Variants in SAMD5 observed in about 807,000 individuals in gnomAD.
SAMD5 encodes the protein sterile alpha motif domain containing 5.
SAMD5 carries 13 observed loss-of-function variants against 11.3 expected under a neutral mutation model. The observed-to-expected ratio is 1.15, with a 90% CI of 0.75 to 1.83. The LOEUF is 1.83. Ranked by LOEUF, SAMD5 falls within the 40% of genes most tolerant of loss-of-function variation. SAMD5 has a pLI of 0.00. For missense variants in SAMD5, 255 were observed against 239.1 expected (o/e 1.07, Z -0.44); for synonymous variants, 129 against 111.3 (o/e 1.16, Z -1.00).
chr6:147,803,339 C>G, the SAMD5 span, among the ~76,000 whole-genome samples: 1 of 152,118 alleles, frequency 6.6e-6, no homozygotes, highest in Non-Finnish European at 1.5e-5. Context: ...CTTCAATTCA[C>G]TCTCTCGCCT....
the SAMD5 span, among the ~76,000 whole-genome samples, chr6:147,929,778 G>A: frequency 2.6e-5 from 4 of 152,060 alleles, no homozygotes; most frequent in Admixed American, 1.3e-4. Context: ...TAACATTGGG[G>A]GGGAAAGTAC....
intron 1 of SAMD5, among the ~76,000 whole-genome samples, chr6:147,732,568 T>C (rs535332677): frequency 1.3e-5 from 2 of 152,124 alleles, no homozygotes; most frequent in Non-Finnish European, 2.9e-5. Context: ...CAGCTAGAAA[T>C]GATGAGGCAG....
rs150257985 is a variant in SAMD5 at position 147,628,700 on chromosome 6, C to T, written c.163-108617C>T. On this transcript the variant is annotated intron_variant, in intron 1 of 1. Transcript: ENST00000566741. ...TGAGGAAATATGATACCCATCCTCC[C>T]CTCCAAAAAAGGAAGAAAAAGATCT... Among the ~76,000 whole-genome samples the T allele has an allele frequency of 5.4e-3, 828 of 152,156 alleles. 5 individuals are homozygous for T. The highest frequency in any genetic ancestry group is 8.7e-3 in the Non-Finnish European group (592 of 67,998).
chr6:147,875,473 A>C, the SAMD5 span, among the ~76,000 whole-genome samples: 13 of 152,006 alleles, frequency 8.6e-5, no homozygotes, highest in Admixed American at 7.9e-4. Flanking sequence ...TATAACTAAT[A>C]ATTTCCATTC....
chr6:147,540,384 T>G (rs1157837792), intron 1 of SAMD5, among the ~76,000 whole-genome samples: 1 of 152,164 alleles, frequency 6.6e-6, no homozygotes, highest in African/African-American at 2.4e-5. Context: ...TTTAACTGCT[T>G]AAGATAATTT....
At chr6:147,917,078 G>A in the SAMD5 span, among the ~76,000 whole-genome samples, 3 of 101,956 alleles carry the variant, frequency 2.9e-5, no homozygotes, top group Admixed American at 9.9e-5. Context: ...ACCCAGTAAT[G>A]GGATGGCTGG....
intron 1 of SAMD5, among the ~76,000 whole-genome samples, chr6:147,630,101 T>G (rs1218957501): frequency 6.6e-6 from 1 of 151,768 alleles, no homozygotes; most frequent in Non-Finnish European, 1.5e-5. Flanking sequence ...AGGCATGCAC[T>G]GCCACGCCTG....
At chr6:147,904,408 G>T in the SAMD5 span, among the ~76,000 whole-genome samples, 1 of 152,216 alleles carries the variant, frequency 6.6e-6, no homozygotes. Context: ...AGATGGCAGA[G>T]CCAGTGCCTA....
the SAMD5 span, among the ~76,000 whole-genome samples, chr6:147,852,971 CT>C: frequency 4.6e-5 from 7 of 152,164 alleles, no homozygotes; most frequent in Non-Finnish European, 7.3e-5. Context: ...GATTTGTCAT[CT>C]TTTCTACATT....
At chr6:147,899,368 T>A in the SAMD5 span, among the ~76,000 whole-genome samples, 1 of 152,048 alleles carries the variant, frequency 6.6e-6, no homozygotes, top group South Asian at 2.1e-4. Context: ...ATTGTCAAGG[T>A]CTCAAACTGC....
At chr6:147,848,800 C>T in the SAMD5 span, among the ~76,000 whole-genome samples, 1 of 152,342 alleles carries the variant, frequency 6.6e-6, no homozygotes, top group East Asian at 1.9e-4. Context: ...AGCCACAGCA[C>T]TTTAACTTGT....
chr6:147,567,736 G>T lies in SAMD5; in HGVS notation c.*3280G>T, dbSNP rs1220480103. The T allele has an allele frequency of 2.0e-6, 2 of 985,106 alleles. No homozygotes were observed. The highest frequency in any genetic ancestry group is 3.5e-5 in the African/African-American group (2 of 57,172). The allele number at this position is 985,106 out of a possible 1,614,324, so 61.0% of individuals were successfully genotyped here. ...TGACTAGAAAACTCAGACATAAATT[G>T]ACATTTCCTTATCATTGCCTGAAAC... On this transcript the variant is annotated 3_prime_UTR_variant, in exon 2 of 2. Transcript: ENST00000367474.
chr6:147,721,897 C>T (rs1162097259), intron 1 of SAMD5, among the ~76,000 whole-genome samples: 3 of 151,706 alleles, frequency 2.0e-5, no homozygotes, highest in Non-Finnish European at 4.4e-5. Flanking sequence ...TTTTTATATC[C>T]CATTAAAAAA....
At chr6:147,686,653 T>C (rs1037862973) in intron 1 of SAMD5, among the ~76,000 whole-genome samples, 3 of 152,112 alleles carry the variant, frequency 2.0e-5, no homozygotes, top group African/African-American at 4.8e-5. Context: ...TTTCCAATAC[T>C]GTGCTATTTT....
Position 147,567,614 on chromosome 6 carries a change from T to C in SAMD5, c.*3158T>C. On this transcript the variant is annotated 3_prime_UTR_variant, in exon 2 of 2. Coordinates refer to ENST00000367474, the MANE Select transcript of SAMD5 (RefSeq NM_001030060.3). ...CACCCACATACAGTCCTTGGCTCAG[T>C]GCTAGGCATGTAGCAGGTGCTGACT... 1.0e-6 allele frequency: 1 copy of C among 975,366 alleles called. No homozygotes were observed. The highest frequency in any genetic ancestry group is 1.1e-4 in the East Asian group (1 of 8,754). The allele number at this position is 975,366 out of a possible 1,614,324, so 60.4% of individuals were successfully genotyped here.
At chr6:147,608,712 T>C (rs1382080625) in intron 1 of SAMD5, among the ~76,000 whole-genome samples, 1 of 152,104 alleles carries the variant, frequency 6.6e-6, no homozygotes, top group South Asian at 2.1e-4. Flanking sequence ...ACAGAAAGGA[T>C]GAATAAGACC....
At chr6:147,615,709 G>A (rs1037302273) in intron 1 of SAMD5, among the ~76,000 whole-genome samples, 5 of 152,146 alleles carry the variant, frequency 3.3e-5, no homozygotes, top group Non-Finnish European at 7.3e-5. Flanking sequence ...TAGTTCTTTG[G>A]CATACGCCTG....
At chr6:147,914,158 CTT>C in the SAMD5 span, among the ~76,000 whole-genome samples, 1,103 of 132,280 alleles carry the variant, frequency 8.3e-3, 15 homozygotes, top group African/African-American at 0.023. Flanking sequence ...GTTTTTGCGA[CTT>C]TTTTTTTTTT....
intron 1 of SAMD5, among the ~76,000 whole-genome samples, chr6:147,578,298 C>T (rs1032615944): frequency 7.9e-5 from 12 of 152,096 alleles, no homozygotes; most frequent in Admixed American, 7.9e-4. Flanking sequence ...TTCTCTCTCT[C>T]GTATAATTTA....
Sources: allele counts gnomAD v4.1 joint callset (sites outside exome capture counted in the v4.1 genomes callset), GRCh38; gene constraint gnomAD v4.1.1; transcripts MANE v1.5; gene names NCBI Gene and HGNC (gene_info 2026-07-23, HGNC 2026-07-21).